The following NKAIN3 variants were observed in gnomAD, a reference collection of about 807,000 sequenced individuals.
The protein encoded by NKAIN3 is sodium/potassium transporting ATPase interacting 3, also known as sodium/potassium-transporting ATPase subunit beta-1-interacting protein 3.
A neutral mutation model predicts 30.2 loss-of-function variants in NKAIN3; 25 were observed. That is an observed-to-expected ratio of 0.83 (90% CI 0.60 to 1.16). The LOEUF (loss-of-function observed/expected upper bound fraction) is 1.16, where lower values mean the gene tolerates loss of function less well. NKAIN3 is among the 50% of genes most tolerant of loss of function. The pLI is 0.00. For missense variants in NKAIN3, 225 were observed against 254.1 expected (o/e 0.89, Z 0.78); for synonymous variants, 91 against 89.6 (o/e 1.02, Z -0.09).
chr8:62,518,377 A>ATCCAG lies in NKAIN3; in HGVS notation c.55-61160_55-61156dup, dbSNP rs1808058375. ...AAAAAACAAACAAACAAAAAAAGAT[A>ATCCAG]TCCAGTTGATTCCATCAATCATTGA... On this transcript the variant is annotated intron_variant, in intron 1 of 6. Coordinates refer to ENST00000623646, the MANE Select transcript of NKAIN3 (RefSeq NM_001304533.3). Among the ~76,000 whole-genome samples, 3 of 152,062 alleles carry ATCCAG rather than the reference A, an allele frequency of 2.0e-5. No individual in the cohort carries two copies. The South Asian group carries it at 6.2e-4, about 32-fold the overall frequency.
At chr8:62,430,408 G>GTGTGT (rs1804959126) in intron 1 of NKAIN3, among the ~76,000 whole-genome samples, 6 of 105,240 alleles carry the variant, frequency 5.7e-5, no homozygotes, top group Non-Finnish European at 8.8e-5. Context: ...TGTGTGTGTG[G>GTGTGT]ATGGGTGTGT....
chr8:62,363,416 T>C (rs1389647166), intron 1 of NKAIN3, among the ~76,000 whole-genome samples: 2 of 152,138 alleles, frequency 1.3e-5, no homozygotes, highest in African/African-American at 4.8e-5. Flanking sequence ...AGTAGGTAGC[T>C]ACCTAACAAC....
chr8:62,410,615 G>C (rs975381978), intron 1 of NKAIN3, among the ~76,000 whole-genome samples: 1 of 151,902 alleles, frequency 6.6e-6, no homozygotes, highest in African/African-American at 2.4e-5. Flanking sequence ...TAAACCACTA[G>C]CTAGATTAAC....
At chr8:62,614,656 A>G (rs1811394483) in intron 3 of NKAIN3, among the ~76,000 whole-genome samples, 1 of 152,140 alleles carries the variant, frequency 6.6e-6, no homozygotes, top group Non-Finnish European at 1.5e-5. Context: ...CTAGAGTCAG[A>G]AAACTTACAA....
chr8:62,709,210 C>T (rs768642249), intron 3 of NKAIN3, among the ~76,000 whole-genome samples: 2 of 151,940 alleles, frequency 1.3e-5, no homozygotes, highest in Non-Finnish European at 2.9e-5. Context: ...TTCCTAGATT[C>T]AGTATAAGGG....
intron 5 of NKAIN3, among the ~76,000 whole-genome samples, chr8:62,925,047 T>A (rs1822395973): frequency 6.6e-6 from 1 of 152,186 alleles, no homozygotes; most frequent in Non-Finnish European, 1.5e-5. Context: ...TAGCATCTCC[T>A]TTCAAATAAC....
chr8:62,427,441 A>G (rs1471812522), intron 1 of NKAIN3, among the ~76,000 whole-genome samples: 1 of 151,974 alleles, frequency 6.6e-6, no homozygotes, highest in Non-Finnish European at 1.5e-5. Flanking sequence ...GTTTCCTCAC[A>G]TGAAGTGTAG....
At position 62,248,894 on chromosome 8, in the gene NKAIN3, C is replaced by T. The variant is rs939382434; in HGVS notation, c.-180C>T. 6 of 563,064 alleles carry T rather than the reference C, an allele frequency of 1.1e-5. No individual in the cohort carries two copies. In the Admixed American group the frequency reaches 1.2e-4, roughly 11 times the overall value. 34.9% of individuals were successfully genotyped at this position (563,064 alleles called of 1,614,324 possible). ...CGTGCGCACCGCACTGACCTCGGCC[C>T]GCCCCGCCGGGAAACTAACAAAGGC... On this transcript the variant is annotated 5_prime_UTR_variant, in exon 1 of 7. Coordinates refer to ENST00000623646, the MANE Select transcript of NKAIN3 (RefSeq NM_001304533.3).
At chr8:62,277,645 T>C (rs377423085) in intron 1 of NKAIN3, among the ~76,000 whole-genome samples, 1 of 152,058 alleles carries the variant, frequency 6.6e-6, no homozygotes, top group Non-Finnish European at 1.5e-5. Flanking sequence ...TAGTAAGAAA[T>C]CCCAAAAAGG....
At chr8:62,510,387 C>G (rs1807781917) in intron 1 of NKAIN3, among the ~76,000 whole-genome samples, 1 of 152,118 alleles carries the variant, frequency 6.6e-6, no homozygotes, top group South Asian at 2.1e-4. Context: ...GCTTTGTCAT[C>G]AAGGGCTAGC....
intron 3 of NKAIN3, among the ~76,000 whole-genome samples, chr8:62,623,346 T>C (rs16929301): frequency 0.18 from 26,771 of 152,016 alleles, 2,766 homozygotes; most frequent in East Asian, 0.32. Context: ...CCATAGCATT[T>C]TCTTCCTAGG....
At chr8:62,743,134 T>A (rs2130574756) in intron 3 of NKAIN3, among the ~76,000 whole-genome samples, 2 of 152,318 alleles carry the variant, frequency 1.3e-5, no homozygotes, top group South Asian at 4.1e-4. Context: ...CCAAATTATA[T>A]CACCCATGTA....
intron 4 of NKAIN3, among the ~76,000 whole-genome samples, chr8:62,874,111 G>A (rs35583011): frequency 0.23 from 34,070 of 151,348 alleles, 4,822 homozygotes; most frequent in Non-Finnish European, 0.33. Context: ...AGAAGAGAGA[G>A]AAGAATCAAA....
intron 3 of NKAIN3, among the ~76,000 whole-genome samples, chr8:62,617,366 T>C (rs1488241248): frequency 6.6e-6 from 1 of 152,212 alleles, no homozygotes; most frequent in Admixed American, 6.5e-5. Context: ...TGTACGTTTT[T>C]ATTAGACCAC....
chr8:62,766,191 T>C (rs1271434013), intron 4 of NKAIN3, among the ~76,000 whole-genome samples: 1 of 152,222 alleles, frequency 6.6e-6, no homozygotes, highest in Non-Finnish European at 1.5e-5. Context: ...AAAAATTATC[T>C]GACAACTATT....
chr8:62,624,333 G>C (rs908804203), intron 3 of NKAIN3, among the ~76,000 whole-genome samples: 1 of 151,888 alleles, frequency 6.6e-6, no homozygotes, highest in African/African-American at 2.4e-5. Flanking sequence ...ATTCAAGATG[G>C]AGTTGCTGTG....
At chr8:62,596,281 C>T (rs1004403270) in intron 3 of NKAIN3, among the ~76,000 whole-genome samples, 1 of 151,986 alleles carries the variant, frequency 6.6e-6, no homozygotes, top group African/African-American at 2.4e-5. Context: ...GAGGTGATTA[C>T]TCCATACTAG....
intron 4 of NKAIN3, among the ~76,000 whole-genome samples, chr8:62,881,315 A>G (rs1439442889): frequency 6.6e-6 from 1 of 152,220 alleles, no homozygotes; most frequent in African/African-American, 2.4e-5. Context: ...AGTCCCTGAC[A>G]ATCACTGATT....
chr8:62,423,510 T>C (rs1435551848), intron 1 of NKAIN3, among the ~76,000 whole-genome samples: 1 of 151,304 alleles, frequency 6.6e-6, no homozygotes, highest in Non-Finnish European at 1.5e-5. Context: ...TTTGAAACTG[T>C]CCATCATTCT....
Sources: allele counts gnomAD v4.1 joint callset (sites outside exome capture counted in the v4.1 genomes callset), GRCh38; gene constraint gnomAD v4.1.1; transcripts MANE v1.5; gene names NCBI Gene and HGNC (gene_info 2026-07-23, HGNC 2026-07-21).